SCYL2: variants seen among roughly 807,000 people sequenced by gnomAD.
SCYL2 encodes SCY1-like protein 2.
Under a neutral mutation model 100.4 loss-of-function variants are expected in SCYL2, and 36 were observed. The observed-to-expected ratio is 0.36, with a 90% CI of 0.27 to 0.47. SCYL2 has a LOEUF of 0.47. SCYL2 is among the 20% of genes least tolerant of loss of function. SCYL2 has a pLI of 1.00. For missense variants in SCYL2, 902 were observed against 1,083.9 expected, an observed-to-expected ratio of 0.83 and a Z score of 2.36; for synonymous variants, 330 against 359.2, an observed-to-expected ratio of 0.92 and a Z score of 0.92.
At chr12:100,285,559 T>C (rs2096303631) in intron 2 of SCYL2, among the ~76,000 whole-genome samples, 1 of 152,216 alleles carries the variant, frequency 6.6e-6, no homozygotes, top group Admixed American at 6.5e-5. Context: ...GCCAATCTTG[T>C]TATATAGTCT....
intron 1 of SCYL2, among the ~76,000 whole-genome samples, chr12:100,278,176 T>A (rs1474457375): frequency 2.6e-5 from 4 of 152,168 alleles, no homozygotes; most frequent in African/African-American, 9.7e-5. Context: ...TATTCTGGTT[T>A]AAAAACTTTA....
rs781680626 is a variant in SCYL2 at position 100,280,197 on chromosome 12, A to G, written c.-28-2746A>G. Among the ~76,000 whole-genome samples the G allele has an allele frequency of 3.9e-5, 6 of 152,166 alleles. No individual in the cohort carries two copies. The South Asian group carries it at 1.0e-3, about 26-fold the overall frequency. On this transcript the variant is annotated intron_variant, in intron 1 of 17. Transcript: ENST00000360820. ...TTGTTAAAAGCAAGAGGGCAGATTC[A>G]CTCTTTGTTCCTCCCTCATGGGCAG...
intron 1 of SCYL2, among the ~76,000 whole-genome samples, chr12:100,269,838 C>T (rs182335350): frequency 2.0e-4 from 31 of 152,214 alleles, no homozygotes; most frequent in Non-Finnish European, 3.8e-4. Flanking sequence ...GGTTCCGATT[C>T]CAAAGGTTTG....
At chr12:100,313,633 G>T (rs2096344942) in intron 7 of SCYL2, 95 bp downstream of exon 7, 1 of 658,826 alleles carries the variant, frequency 1.5e-6, no homozygotes, top group African/African-American at 1.8e-5. Context: ...TTTTCCCCAG[G>T]GATCCCTGTT....
chr12:100,282,264 A>T (rs2096299508), intron 1 of SCYL2, among the ~76,000 whole-genome samples: 1 of 111,636 alleles, frequency 9.0e-6, no homozygotes, highest in Admixed American at 9.3e-5. Flanking sequence ...GTCTCAAGTG[A>T]TCCTCCTGCC....
chr12:100,316,076 C>CTTTGAAGTA (rs1315584806), intron 9 of SCYL2, among the ~76,000 whole-genome samples: 5 of 152,080 alleles, frequency 3.3e-5, no homozygotes, highest in African/African-American at 1.2e-4. Flanking sequence ...TTCTCTTGCA[C>CTTTGAAGTA]TTTGAAGTAT....
intron 3 of SCYL2, among the ~76,000 whole-genome samples, chr12:100,295,025 G>A (rs763508971): frequency 6.2e-4 from 93 of 150,772 alleles, no homozygotes; most frequent in Non-Finnish European, 1.1e-3. Flanking sequence ...AGACGGGGTC[G>A]CGGCCGGGCA....
At chr12:100,335,756 G>A in intron 15 of SCYL2, 55 bp from the exon 16 acceptor site, 2 of 1,593,226 alleles carry the variant, frequency 1.3e-6, no homozygotes, top group African/African-American at 1.3e-5. Context: ...TCTTTAAGCA[G>A]CAAAATCACA....
rs779568650 is a variant in SCYL2, at chr12:100,339,173, G to C, written c.*1G>C. The C allele has an allele frequency of 8.0e-5, 129 of 1,609,492 alleles. No homozygotes were observed. Among genetic ancestry groups the C allele is most frequent in the Non-Finnish European group, 1.1e-4 (124 of 1,178,102 alleles). ...TGATTTAAAAGATCTTTTTGGGTGA[G>C]GTGTCTTACTTCTATTTTGAAGGAT... On this transcript the variant is annotated 3_prime_UTR_variant, in exon 18 of 18. Transcript: ENST00000360820.
rs1952323467 is a variant in SCYL2, at chr12:100,339,256, G to A, written c.*84G>A. On this transcript the variant is annotated 3_prime_UTR_variant, in exon 18 of 18. Transcript: ENST00000360820. ...ACATCTTTATATAGTTGGCTTGGAG[G>A]AAGTACTTCTATGGGAAAGTGAACA... 1.5e-6 allele frequency: 2 copies of A among 1,336,134 alleles called. No homozygotes were observed. Among genetic ancestry groups the A allele is most frequent in the African/African-American group, 1.5e-5 (1 of 68,492 alleles). 82.8% of individuals were successfully genotyped at this position (1,336,134 alleles called of 1,614,324 possible). A position where few individuals can be genotyped will look rare whatever the true frequency, so the allele number is the denominator to read the frequency against.
chr12:100,315,528 T>G (rs759995229), intron 8 of SCYL2, 30 bp from the exon 9 acceptor site: 3 of 1,552,304 alleles, frequency 1.9e-6, no homozygotes, highest in Non-Finnish European at 2.6e-6. Flanking sequence ...AAATTTTATT[T>G]TTTTTTTAAA....
At chr12:100,315,345 C>T (rs548546444) in intron 8 of SCYL2, among the ~76,000 whole-genome samples, 1 of 152,056 alleles carries the variant, frequency 6.6e-6, no homozygotes, top group Non-Finnish European at 1.5e-5. Context: ...ACCGTGTGTC[C>T]CCTTTTACCC....
intron 4 of SCYL2, among the ~76,000 whole-genome samples, chr12:100,300,202 G>A (rs1332373389): frequency 6.6e-6 from 1 of 151,986 alleles, no homozygotes; most frequent in Non-Finnish European, 1.5e-5. Flanking sequence ...ATTTTTTTGA[G>A]GGGTTGTTTT....
intron 12 of SCYL2, among the ~76,000 whole-genome samples, chr12:100,328,437 A>C (rs1347311056): frequency 6.6e-6 from 1 of 152,234 alleles, no homozygotes; most frequent in East Asian, 1.9e-4. Flanking sequence ...CTTCACTGAA[A>C]CAAAGGGAAA....
intron 1 of SCYL2, among the ~76,000 whole-genome samples, chr12:100,278,315 T>G (rs1249147838): frequency 6.6e-6 from 1 of 152,184 alleles, no homozygotes; most frequent in Non-Finnish European, 1.5e-5. Flanking sequence ...TTCTTCTGCC[T>G]CAGCCTCCTG....
intron 1 of SCYL2, among the ~76,000 whole-genome samples, chr12:100,278,182 C>CT (rs1164475863): frequency 5.3e-5 from 8 of 151,866 alleles, no homozygotes; most frequent in Admixed American, 1.3e-4. Flanking sequence ...GGTTTAAAAA[C>CT]TTTAAGTTTT....
At chr12:100,305,399 T>G (rs1313987610) in intron 4 of SCYL2, among the ~76,000 whole-genome samples, 1 of 152,214 alleles carries the variant, frequency 6.6e-6, no homozygotes, top group African/African-American at 2.4e-5. Context: ...TGCTCCTGAA[T>G]GACTACTGGG....
At position 100,334,243 on chromosome 12, in the gene SCYL2, T is replaced by G. The variant is rs1241772647; in HGVS notation, c.1839T>G (p.Leu613=). The G allele has an allele frequency of 6.3e-7, 1 of 1,595,346 alleles. No homozygotes were observed. The highest frequency in any genetic ancestry group is 2.2e-5 in the East Asian group (1 of 44,674). ...AACATAAGACTAAACTGGAGCAACT[T>G]CATATAATGCAAGAACAGCAGAAGT... The part of the protein sequence containing the change: ...ESEHKTKLEQ[L]HIMQEQQKSL... The change falls in exon 14 of 18, where the codon CTT becomes CTG. Residue 613 remains leucine (L), a synonymous_variant. Transcript: ENST00000360820.
At chr12:100,326,586 CT>C (rs1377486201) in intron 11 of SCYL2, 35 bp from the exon 12 acceptor site, 7 of 1,487,484 alleles carry the variant, frequency 4.7e-6, no homozygotes, top group Non-Finnish European at 6.3e-6. Flanking sequence ...ATTTTGAAAA[CT>C]TTTAATGACT....
Sources: allele counts gnomAD v4.1 joint callset (sites outside exome capture counted in the v4.1 genomes callset), GRCh38; gene constraint gnomAD v4.1.1; transcripts MANE v1.5; gene names NCBI Gene and HGNC (gene_info 2026-07-23, HGNC 2026-07-21).